The following PPP2R2D variants were observed in gnomAD, a reference collection of about 807,000 sequenced individuals.
PPP2R2D encodes serine/threonine-protein phosphatase 2A 55 kDa regulatory subunit B delta isoform.
Under a neutral mutation model 31.1 loss-of-function variants are expected in PPP2R2D, and 9 were observed. That is an observed-to-expected ratio of 0.29 (90% confidence interval 0.17 to 0.51). The LOEUF (loss-of-function observed/expected upper bound fraction) is 0.51. PPP2R2D is among the 20% of genes least tolerant of loss of function. The probability of loss-of-function intolerance (pLI) is 0.98; values close to 1 mark genes in which losing one functional copy is unlikely to be tolerated. For synonymous variants in PPP2R2D, 179 were observed against 172.6 expected (o/e 1.04, Z -0.29); for missense variants, 391 against 465.6 (o/e 0.84, Z 1.48).
At chr10:131,943,511 A>G (rs1230961908) in intron 5 of PPP2R2D, among the ~76,000 whole-genome samples, 2 of 151,806 alleles carry the variant, frequency 1.3e-5, no homozygotes, top group Admixed American at 6.6e-5. Context: ...GAGCCAGTGG[A>G]GGTTTGTGGG....
intron 2 of PPP2R2D, among the ~76,000 whole-genome samples, chr10:131,929,072 T>C (rs1166307303): frequency 1.3e-5 from 2 of 152,350 alleles, no homozygotes; most frequent in East Asian, 3.9e-4. Context: ...AGATGCAGTT[T>C]CTGGATCTCC....
At chr10:131,971,051 G>T in the PPP2R2D span, 5 of 1,279,726 alleles carry the variant, frequency 3.9e-6, no homozygotes, top group Non-Finnish European at 5.6e-6. Flanking sequence ...CCGAGCTTCA[G>T]ATCCGCAGGC....
At chr10:131,932,380 T>G (rs1372559515) in intron 2 of PPP2R2D, among the ~76,000 whole-genome samples, 2 of 151,992 alleles carry the variant, frequency 1.3e-5, no homozygotes, top group Non-Finnish European at 2.9e-5. Flanking sequence ...TTATGGTAGT[T>G]TAAAATACCT....
chr10:131,935,853 C>A (rs902968828), intron 3 of PPP2R2D, among the ~76,000 whole-genome samples: 1 of 152,186 alleles, frequency 6.6e-6, no homozygotes, highest in South Asian at 2.1e-4. Flanking sequence ...CACCTGAGGT[C>A]GGAAGTTCAA....
intron 2 of PPP2R2D, among the ~76,000 whole-genome samples, chr10:131,928,849 C>T (rs978699231): frequency 4.6e-5 from 7 of 152,146 alleles, no homozygotes; most frequent in Admixed American, 2.0e-4. Context: ...GCAGGGGAGA[C>T]GGGTCAGACG....
At chr10:131,902,404 C>T (rs1750510092) in intron 2 of PPP2R2D, among the ~76,000 whole-genome samples, 1 of 152,140 alleles carries the variant, frequency 6.6e-6, no homozygotes, top group African/African-American at 2.4e-5. Context: ...CTACCCTGTA[C>T]CTCTCCCTGG....
At position 131,907,026 on chromosome 10, in the gene PPP2R2D, A is replaced by G. The variant is rs1042579078; in HGVS notation, c.100+5696A>G. Among the ~76,000 whole-genome samples, 9 of 152,078 alleles carry G rather than the reference A, an allele frequency of 5.9e-5. No individual in the cohort carries two copies. The South Asian group carries it at 1.0e-3, about 18-fold the overall frequency. The stretch of plus-strand genomic sequence containing the variant: ...TGTCTTTTATATATAATCTCCTATA[A>G]TGTCTTTTATATGTATATATAAAAT... On this transcript the variant is annotated intron_variant, in intron 2 of 8. Coordinates refer to ENST00000455566, the MANE Select transcript of PPP2R2D (RefSeq NM_018461.5).
chr10:131,967,528 AC>A, the PPP2R2D span: 1 of 152,334 alleles, frequency 6.6e-6, no homozygotes, highest in Non-Finnish European at 1.5e-5. Flanking sequence ...TAGATTTAAC[AC>A]CCGAATTAAG....
At chr10:131,943,488 C>T (rs2036477386) in intron 5 of PPP2R2D, among the ~76,000 whole-genome samples, 1 of 152,206 alleles carries the variant, frequency 6.6e-6, no homozygotes, top group African/African-American at 2.4e-5. Context: ...GCTGTGCACC[C>T]TGCCAGTACC....
intron 5 of PPP2R2D, among the ~76,000 whole-genome samples, chr10:131,941,420 G>A (rs555815766): frequency 1.3e-5 from 2 of 152,266 alleles, no homozygotes; most frequent in East Asian, 1.9e-4. Flanking sequence ...TCGAGCCCAG[G>A]TGTGTCTTGG....
intron 8 of PPP2R2D, among the ~76,000 whole-genome samples, chr10:131,948,937 C>T (rs2036592466): frequency 6.6e-6 from 1 of 152,192 alleles, no homozygotes; most frequent in African/African-American, 2.4e-5. Context: ...CAGCACTGCC[C>T]TGAGAAGTGG....
chr10:131,940,826 A>C (rs2036428539), intron 5 of PPP2R2D, 132 bp downstream of exon 5: 2 of 582,940 alleles, frequency 3.4e-6, no homozygotes, highest in Non-Finnish European at 6.2e-6. Flanking sequence ...GATTCCTGAA[A>C]GTCGTTTGCA....
At chr10:131,935,801 C>T (rs1473970804) in intron 3 of PPP2R2D, among the ~76,000 whole-genome samples, 1 of 152,116 alleles carries the variant, frequency 6.6e-6, no homozygotes, top group Non-Finnish European at 1.5e-5. Flanking sequence ...CAGTGGCTCA[C>T]GCCTGTAATC....
intron 2 of PPP2R2D, among the ~76,000 whole-genome samples, chr10:131,926,956 T>C (rs528653146): frequency 6.6e-6 from 1 of 152,320 alleles, no homozygotes; most frequent in African/African-American, 2.4e-5. Context: ...GAGCGCTGGC[T>C]ACAGCGAGTT....
intron 2 of PPP2R2D, among the ~76,000 whole-genome samples, chr10:131,920,112 G>T (rs2035946459): frequency 7.1e-6 from 1 of 140,766 alleles, no homozygotes; most frequent in Non-Finnish European, 1.5e-5. Flanking sequence ...GTGTTTGTAG[G>T]GACCTCACGC....
At position 131,901,033 on chromosome 10, in the gene PPP2R2D, CGGCGGCGGCGGCGCCGGCGGTGGT is replaced by C. The variant is rs1334863769; in HGVS notation, c.-109_-86del. Reference sequence around the variant, plus strand: ...AAAAATCCCTCCCCGGCGGCGGCGGCGGCGGCGGCGGCGCCGGCGGTGGTGGCGGCCCCGGGGCTGAGCGCTCGG... The same window carrying C: ...AAAAATCCCTCCCCGGCGGCGGCGGCGGCGGCCCCGGGGCTGAGCGCTCGG... On this transcript the variant is annotated 5_prime_UTR_variant, in exon 1 of 9. Transcript: ENST00000455566. 20 of 158,590 alleles carry C rather than the reference CGGCGGCGGCGGCGCCGGCGGTGGT, an allele frequency of 1.3e-4. No individual in the cohort carries two copies. Among genetic ancestry groups the C allele is most frequent in the African/African-American group, 2.7e-4 (11 of 40,928 alleles). 9.8% of individuals were successfully genotyped at this position (158,590 alleles called of 1,614,324 possible).
intron 2 of PPP2R2D, among the ~76,000 whole-genome samples, chr10:131,932,660 AAAAAAAAAC>A (rs1431741278): frequency 1.1e-4 from 17 of 149,744 alleles, no homozygotes; most frequent in Middle Eastern, 3.4e-3. Flanking sequence ...AAAAAAAAAA[AAAAAAAAAC>A]ACACAAAAAA....
intron 2 of PPP2R2D, among the ~76,000 whole-genome samples, chr10:131,905,356 A>T (rs1339595648): frequency 6.6e-6 from 1 of 151,974 alleles, no homozygotes. Context: ...TGTTGTGCAG[A>T]TTTTTTCTGC....
At chr10:131,923,068 GT>G (rs2036025356) in intron 2 of PPP2R2D, among the ~76,000 whole-genome samples, 1 of 152,170 alleles carries the variant, frequency 6.6e-6, no homozygotes, top group African/African-American at 2.4e-5. Context: ...TGAATATTCA[GT>G]TTTGTGGCCA....
Sources: allele counts gnomAD v4.1 joint callset (sites outside exome capture counted in the v4.1 genomes callset), GRCh38; gene constraint gnomAD v4.1.1; transcripts MANE v1.5; gene names NCBI Gene and HGNC (gene_info 2026-07-23, HGNC 2026-07-21).